The following C4orf17 variants were observed in gnomAD, a reference collection of about 807,000 sequenced individuals.
The protein encoded by C4orf17 is uncharacterized protein C4orf17.
In C4orf17, 25 loss-of-function variants were observed where a neutral mutation model predicts 32.0. That is an observed-to-expected ratio of 0.78 (90% CI 0.57 to 1.09). The LOEUF is 1.09. Among genes scored for constraint, C4orf17 ranks in the 50% least tolerant of loss-of-function variants. The pLI, the probability that C4orf17 is intolerant of heterozygous loss-of-function variation, is 0.00. For synonymous variants in C4orf17, 149 were observed against 145.8 expected (o/e 1.02, Z -0.16); for missense variants, 420 against 420.0 (o/e 1.00, Z 0.00).
chr4:99,522,398 A>T, intron 2 of C4orf17, 102 bp from the exon 3 acceptor site: 2 of 891,026 alleles, frequency 2.2e-6, no homozygotes, highest in Non-Finnish European at 3.5e-6. Context: ...ACATACATTT[A>T]ATGATATTTG....
chr4:99,542,212 C>G lies in C4orf17; in HGVS notation c.*103C>G. ...TTTTGGTATTGAGGAATCAAGTGGT[C>G]CTCTTTATGGTGGCACATGTAAATC... On this transcript the variant is annotated 3_prime_UTR_variant, in exon 9 of 9. Coordinates refer to ENST00000326581, the MANE Select transcript of C4orf17 (RefSeq NM_032149.3). 1.0e-6 allele frequency: 1 copy of G among 962,840 alleles called. No homozygotes were observed. Among genetic ancestry groups the G allele is most frequent in the South Asian group, 1.4e-5 (1 of 70,090 alleles). 59.6% of individuals were successfully genotyped at this position (962,840 alleles called of 1,614,324 possible).
At chr4:99,535,575 G>A (rs1363006609) in intron 5 of C4orf17, among the ~76,000 whole-genome samples, 2 of 151,930 alleles carry the variant, frequency 1.3e-5, no homozygotes, top group African/African-American at 4.8e-5. Flanking sequence ...GTGTTTTTCA[G>A]CTCCATCAGG....
intron 4 of C4orf17, among the ~76,000 whole-genome samples, chr4:99,525,809 A>T (rs966157089): frequency 4.7e-4 from 72 of 152,068 alleles, no homozygotes; most frequent in African/African-American, 1.7e-3. Flanking sequence ...AAAAAAAAAA[A>T]TTGGTTGTTG....
chr4:99,530,210 C>T (rs573283443), intron 5 of C4orf17, among the ~76,000 whole-genome samples: 1 of 152,128 alleles, frequency 6.6e-6, no homozygotes, highest in African/African-American at 2.4e-5. Flanking sequence ...GTTTATCACA[C>T]AAACCCAACC....
intron 4 of C4orf17, among the ~76,000 whole-genome samples, chr4:99,527,964 C>A (rs1723418082): frequency 6.6e-6 from 1 of 152,178 alleles, no homozygotes; most frequent in African/African-American, 2.4e-5. Context: ...CTCTCTTCAT[C>A]CCTGACACTA....
At position 99,540,457 on chromosome 4, in the gene C4orf17, T is replaced by G; in HGVS notation, c.880+2T>G. On this transcript the variant is annotated splice_donor_variant, in intron 8 of 8. Coordinates refer to ENST00000326581, the MANE Select transcript of C4orf17 (RefSeq NM_032149.3). LOFTEE classifies it high-confidence loss of function. ...AAGAAAACAAGGAAGTACCAAAAGG[T>G]TAAGTACAGTTTTTGGTAACTATTG... 16 of 1,604,932 alleles carry G rather than the reference T, an allele frequency of 1.0e-5. No homozygotes were observed. Among genetic ancestry groups the G allele is most frequent in the Non-Finnish European group, 1.3e-5 (15 of 1,172,172 alleles).
chr4:99,525,283 C>T (rs1723367880), intron 4 of C4orf17, among the ~76,000 whole-genome samples: 1 of 152,124 alleles, frequency 6.6e-6, no homozygotes, highest in Non-Finnish European at 1.5e-5. Context: ...TTTTACATTC[C>T]CACCAGCAGT....
At chr4:99,541,410 C>T (rs1723649084) in intron 8 of C4orf17, 1 of 156,196 alleles carries the variant, frequency 6.4e-6, no homozygotes, top group Admixed American at 6.5e-5. Context: ...ACCTGTAAGG[C>T]TCACACATAT....
At chr4:99,517,650 G>C (rs1723210116) in intron 2 of C4orf17, among the ~76,000 whole-genome samples, 1 of 151,918 alleles carries the variant, frequency 6.6e-6, no homozygotes, top group African/African-American at 2.4e-5. Flanking sequence ...CTCCTTCCTA[G>C]CTTAATTTTT....
chr4:99,527,941 C>A (rs1384408863), intron 4 of C4orf17, among the ~76,000 whole-genome samples: 1 of 152,158 alleles, frequency 6.6e-6, no homozygotes, highest in Non-Finnish European at 1.5e-5. Context: ...ACCTTTTTAT[C>A]ATTATGAAGT....
chr4:99,530,328 C>A (rs976290196), intron 5 of C4orf17, among the ~76,000 whole-genome samples: 1 of 152,088 alleles, frequency 6.6e-6, no homozygotes, highest in African/African-American at 2.4e-5. Flanking sequence ...AGCATAGATT[C>A]CTCCAATCAA....
chr4:99,531,663 T>C (rs1306017727), intron 5 of C4orf17, among the ~76,000 whole-genome samples: 8 of 152,164 alleles, frequency 5.3e-5, no homozygotes, highest in Non-Finnish European at 1.0e-4. Flanking sequence ...CACTCACCAC[T>C]TCGCTTGAAA....
rs1029215689 is a variant in C4orf17 at position 99,522,811 on chromosome 4, CAA to C, written c.337+103_337+104del. 5.9e-6 allele frequency: 5 copies of C among 850,992 alleles called. No individual in the cohort carries two copies. In the Admixed American group the frequency reaches 1.4e-4, roughly 23 times the overall value. 52.7% of individuals were successfully genotyped at this position (850,992 alleles called of 1,614,324 possible). On this transcript the variant is annotated intron_variant, in intron 3 of 8. Coordinates refer to ENST00000326581, the MANE Select transcript of C4orf17 (RefSeq NM_032149.3). ...AAAATAGCTGCAGTGGTTTTTACATCAAGTTTCCTCACTGTGAGGAACATAAA... is the reference window on the plus strand; with the variant it reads ...AAAATAGCTGCAGTGGTTTTTACATCGTTTCCTCACTGTGAGGAACATAAA...
At chr4:99,526,651 C>CT (rs145120945) in intron 4 of C4orf17, among the ~76,000 whole-genome samples, 48,939 of 137,476 alleles carry the variant, frequency 0.36, 8,633 homozygotes, top group East Asian at 0.58. Context: ...CTTTTCTTTT[C>CT]TTTTTTTTTT....
At chr4:99,514,656 A>T (rs1216930095) in intron 2 of C4orf17, among the ~76,000 whole-genome samples, 1 of 152,240 alleles carries the variant, frequency 6.6e-6, no homozygotes, top group Non-Finnish European at 1.5e-5. Context: ...TTATGGTAGA[A>T]GTGTAAACTA....
At chr4:99,535,785 G>T (rs1456658437) in intron 5 of C4orf17, among the ~76,000 whole-genome samples, 2 of 152,152 alleles carry the variant, frequency 1.3e-5, no homozygotes, top group Non-Finnish European at 2.9e-5. Flanking sequence ...CTTGAGATGT[G>T]TTGCAGTCAT....
intron 5 of C4orf17, among the ~76,000 whole-genome samples, chr4:99,536,876 T>C (rs754382741): frequency 5.9e-5 from 9 of 152,018 alleles, no homozygotes; most frequent in South Asian, 2.1e-4. Flanking sequence ...AGTCAAATAT[T>C]AGGGAAAGTT....
chr4:99,511,830 C>T (rs749174431), intron 1 of C4orf17, among the ~76,000 whole-genome samples: 1 of 152,028 alleles, frequency 6.6e-6, no homozygotes, highest in Admixed American at 6.6e-5. Context: ...TCATAAACAG[C>T]AATAAGAAAA....
intron 4 of C4orf17, among the ~76,000 whole-genome samples, chr4:99,528,731 G>C (rs1303553648): frequency 6.6e-6 from 1 of 152,074 alleles, no homozygotes; most frequent in Non-Finnish European, 1.5e-5. Context: ...TAAAGGGGGA[G>C]GCCACTTATA....
Sources: allele counts gnomAD v4.1 joint callset (sites outside exome capture counted in the v4.1 genomes callset), GRCh38; gene constraint gnomAD v4.1.1; transcripts MANE v1.5; gene names NCBI Gene and HGNC (gene_info 2026-07-23, HGNC 2026-07-21).